The following SPAG17 variants were observed in gnomAD, a reference collection of about 807,000 sequenced individuals.
The protein encoded by SPAG17 is sperm associated antigen 17.
A neutral mutation model predicts 273.6 loss-of-function variants in SPAG17; 169 were observed. The ratio of observed to expected loss-of-function variants is 0.62; its 90% CI spans 0.55 to 0.70. The LOEUF is 0.70. SPAG17 is among the 30% of genes least tolerant of loss of function. The probability of loss-of-function intolerance (pLI) is 0.00; values close to 1 mark genes in which losing one functional copy is unlikely to be tolerated. For synonymous variants in SPAG17, 825 were observed against 873.2 expected, an observed-to-expected ratio of 0.94 and a Z score of 0.97; for missense variants, 2,557 against 2,627.8, an observed-to-expected ratio of 0.97 and a Z score of 0.59.
At chr1:118,182,586 G>A (rs1259883312) in intron 1 of SPAG17, among the ~76,000 whole-genome samples, 1 of 152,078 alleles carries the variant, frequency 6.6e-6, no homozygotes, top group Non-Finnish European at 1.5e-5. Context: ...AAATATTTTG[G>A]TATATGGATA....
chr1:117,971,843 C>A lies in SPAG17; in HGVS notation c.6326+20G>T, dbSNP rs750663031. 6.2e-7 allele frequency: 1 copy of A among 1,604,266 alleles called. No individual in the cohort carries two copies. The highest frequency in any genetic ancestry group is 8.5e-7 in the Non-Finnish European group (1 of 1,174,864). The stretch of plus-strand genomic sequence containing the variant: ...GTAGGGAAAGGTAACCTGAGCAGAC[C>A]TTTGGTCCCTTGGCCTCACCTGCAG... On this transcript the variant is annotated intron_variant, in intron 45 of 48. Coordinates refer to ENST00000336338, the MANE Select transcript of SPAG17 (RefSeq NM_206996.4).
chr1:118,010,159 C>T (rs1362874143), intron 30 of SPAG17, among the ~76,000 whole-genome samples: 2 of 152,092 alleles, frequency 1.3e-5, no homozygotes, highest in Non-Finnish European at 2.9e-5. Flanking sequence ...AAGAGATATA[C>T]TGTATAACAT....
chr1:117,981,547 T>G (rs1163362817), intron 42 of SPAG17, 146 bp from the exon 43 acceptor site: 2 of 807,110 alleles, frequency 2.5e-6, no homozygotes, highest in East Asian at 6.4e-5. Context: ...AGACTAAATA[T>G]AAGAAAGCCA....
chr1:118,089,113 G>C (rs1394959309), intron 10 of SPAG17, among the ~76,000 whole-genome samples: 1 of 152,094 alleles, frequency 6.6e-6, no homozygotes, highest in East Asian at 1.9e-4. Context: ...CTGTTGATAA[G>C]AAAATAAAAC....
chr1:117,981,107 G>A (rs1433291432), intron 43 of SPAG17, among the ~76,000 whole-genome samples, 163 bp downstream of exon 43: 2 of 152,144 alleles, frequency 1.3e-5, no homozygotes, highest in African/African-American at 2.4e-5. Context: ...GAGATACTTC[G>A]ATGTGCTAAG....
intron 3 of SPAG17, among the ~76,000 whole-genome samples, chr1:118,125,809 C>G (rs981524199): frequency 6.6e-6 from 1 of 152,170 alleles, no homozygotes; most frequent in African/African-American, 2.4e-5. Context: ...ATCTTGGCTA[C>G]TGTGAATAGT....
intron 23 of SPAG17, among the ~76,000 whole-genome samples, chr1:118,038,180 A>C (rs1419716437): frequency 2.0e-5 from 3 of 152,334 alleles, no homozygotes; most frequent in Non-Finnish European, 2.9e-5. Flanking sequence ...GCATATGAAA[A>C]GATGTTCAAT....
chr1:118,016,361 C>T (rs929858588), intron 28 of SPAG17, among the ~76,000 whole-genome samples, 179 bp from the exon 29 acceptor site: 3 of 152,074 alleles, frequency 2.0e-5, no homozygotes, highest in Non-Finnish European at 4.4e-5. Context: ...TTATGAATAG[C>T]GTAATTTTAG....
At chr1:118,002,460 G>C (rs1021347618) in intron 32 of SPAG17, among the ~76,000 whole-genome samples, 10 of 152,156 alleles carry the variant, frequency 6.6e-5, no homozygotes, top group Non-Finnish European at 1.5e-4. Flanking sequence ...GGGAGTCTAA[G>C]TCTCTTTGTA....
At chr1:118,173,731 A>G (rs1660522457) in intron 1 of SPAG17, among the ~76,000 whole-genome samples, 1 of 152,070 alleles carries the variant, frequency 6.6e-6, no homozygotes, top group Non-Finnish European at 1.5e-5. Flanking sequence ...GTGTGGTGGC[A>G]TATACCTGTG....
chr1:118,119,103 G>A (rs1348125143), intron 3 of SPAG17, among the ~76,000 whole-genome samples: 4 of 152,020 alleles, frequency 2.6e-5, no homozygotes, highest in Non-Finnish European at 5.9e-5. Flanking sequence ...CCAAATATAT[G>A]CATGCATGTA....
chr1:118,023,320 A>C lies in SPAG17; in HGVS notation c.4053T>G (p.Ile1351Met). Reference sequence around the variant, plus strand: ...AATTGTTACCTTTCTTTGTGTTGGTAATCTCAGATGGTATCGTTTCTGATT... The same window carrying C: ...AATTGTTACCTTTCTTTGTGTTGGTCATCTCAGATGGTATCGTTTCTGATT... ...QQKSETIPSE[I>M]TNTKKGKSHK... Residue 1351 changes from isoleucine (I) to methionine (M), a missense_variant, in exon 28 of 49, where the codon ATT becomes ATG. Physicochemically the swap from Ile to Met is conservative, Grantham distance 10 (BLOSUM62 1). Transcript: ENST00000336338. The C allele has an allele frequency of 6.2e-7, 1 of 1,610,372 alleles. No individual in the cohort carries two copies. Among genetic ancestry groups the C allele is most frequent in the African/African-American group, 1.3e-5 (1 of 74,942 alleles).
At chr1:118,048,206 C>T (rs1046928666) in intron 20 of SPAG17, among the ~76,000 whole-genome samples, 3 of 152,070 alleles carry the variant, frequency 2.0e-5, no homozygotes, top group African/African-American at 4.8e-5. Flanking sequence ...AAGTCTCTGA[C>T]CAGTTCCTGC....
At chr1:118,125,205 AATTTGT>A (rs1446264329) in intron 3 of SPAG17, among the ~76,000 whole-genome samples, 1 of 150,634 alleles carries the variant, frequency 6.6e-6, no homozygotes, top group African/African-American at 2.5e-5. Context: ...TTTTTTAAAA[AATTTGT>A]ATTATTTTTT....
At chr1:118,149,075 C>T (rs1659231233) in intron 3 of SPAG17, among the ~76,000 whole-genome samples, 1 of 152,154 alleles carries the variant, frequency 6.6e-6, no homozygotes, top group Admixed American at 6.5e-5. Flanking sequence ...CATGGCACTC[C>T]ACCCACCTTC....
chr1:118,012,033 T>G (rs1257657529), intron 30 of SPAG17, among the ~76,000 whole-genome samples, 195 bp downstream of exon 30: 1 of 152,022 alleles, frequency 6.6e-6, no homozygotes, highest in East Asian at 1.9e-4. Flanking sequence ...AATATCAAAA[T>G]AAGTAATGAT....
intron 3 of SPAG17, among the ~76,000 whole-genome samples, chr1:118,117,950 T>C (rs1657188959): frequency 6.6e-6 from 1 of 152,234 alleles, no homozygotes; most frequent in Admixed American, 6.5e-5. Flanking sequence ...TGAGACAACA[T>C]TTTCATGGTA....
chr1:118,103,377 G>T (rs1656191627), intron 4 of SPAG17, among the ~76,000 whole-genome samples: 1 of 152,126 alleles, frequency 6.6e-6, no homozygotes, highest in Non-Finnish European at 1.5e-5. Context: ...TGGGATGCTG[G>T]TATTCATCTA....
intron 3 of SPAG17, among the ~76,000 whole-genome samples, chr1:118,120,857 T>G (rs1185591310): frequency 2.0e-5 from 3 of 152,214 alleles, no homozygotes; most frequent in Admixed American, 6.5e-5. Context: ...GGTAGCTCAC[T>G]TTGAATAAAG....
Sources: allele counts gnomAD v4.1 joint callset (sites outside exome capture counted in the v4.1 genomes callset), GRCh38; gene constraint gnomAD v4.1.1; transcripts MANE v1.5; gene names NCBI Gene and HGNC (gene_info 2026-07-23, HGNC 2026-07-21).